INPP4B: variants seen among roughly 807,000 people sequenced by gnomAD.
INPP4B encodes inositol polyphosphate 4-phosphatase type II.
In INPP4B, 55 loss-of-function variants were observed where a neutral mutation model predicts 122.5. That is an observed-to-expected ratio of 0.45 (90% confidence interval 0.36 to 0.56). The LOEUF (loss-of-function observed/expected upper bound fraction) is 0.56. Among genes scored for constraint, INPP4B ranks in the 20% least tolerant of loss-of-function variants. The pLI, the probability that INPP4B is intolerant of heterozygous loss-of-function variation, is 0.00. For synonymous variants in INPP4B, 403 were observed against 388.7 expected (o/e 1.04, Z -0.43); for missense variants, 1,000 against 1,097.7 (o/e 0.91, Z 1.26).
At chr4:142,170,413 C>T (rs892138194) in intron 16 of INPP4B, among the ~76,000 whole-genome samples, 1 of 151,762 alleles carries the variant, frequency 6.6e-6, no homozygotes, top group African/African-American at 2.4e-5. Context: ...CCTGCCCCCA[C>T]ATTTGTTTCC....
At chr4:142,443,852 G>A (rs1461244813) in intron 3 of INPP4B, among the ~76,000 whole-genome samples, 1 of 152,026 alleles carries the variant, frequency 6.6e-6, no homozygotes, top group African/African-American at 2.4e-5. Context: ...AAAGGAGAGG[G>A]AGAAAGAAGA....
intron 18 of INPP4B, among the ~76,000 whole-genome samples, chr4:142,140,003 A>C (rs1806907927): frequency 6.6e-6 from 1 of 152,228 alleles, no homozygotes; most frequent in Non-Finnish European, 1.5e-5. Flanking sequence ...CTGAAGGCAG[A>C]CAGAGATAAA....
chr4:142,476,542 G>C (rs565191482), intron 2 of INPP4B, among the ~76,000 whole-genome samples: 4 of 152,286 alleles, frequency 2.6e-5, no homozygotes, highest in African/African-American at 9.6e-5. Flanking sequence ...ACAGAAACAA[G>C]ACCCAACTGT....
intron 7 of INPP4B, among the ~76,000 whole-genome samples, chr4:142,316,711 A>G (rs921095828): frequency 2.0e-5 from 3 of 152,194 alleles, no homozygotes; most frequent in African/African-American, 7.2e-5. Flanking sequence ...AGTTGTATAA[A>G]GTATTTGATT....
chr4:142,445,366 C>CA (rs143032079), intron 3 of INPP4B, among the ~76,000 whole-genome samples: 5,258 of 151,934 alleles, frequency 0.035, 199 homozygotes, highest in African/African-American at 0.073. Flanking sequence ...ACTGAATTTG[C>CA]AAAAATACTG....
intron 2 of INPP4B, among the ~76,000 whole-genome samples, chr4:142,696,664 C>T (rs949891731): frequency 1.3e-5 from 2 of 152,152 alleles, no homozygotes; most frequent in African/African-American, 4.8e-5. Flanking sequence ...TCAGCTACTA[C>T]TTATGTTGTT....
At chr4:142,820,368 T>A (rs928864790) in intron 1 of INPP4B, among the ~76,000 whole-genome samples, 1 of 152,062 alleles carries the variant, frequency 6.6e-6, no homozygotes, top group Non-Finnish European at 1.5e-5. Context: ...CTCCTTTCCC[T>A]TGCTTTCTCT....
intron 11 of INPP4B, among the ~76,000 whole-genome samples, chr4:142,254,412 CGGGAG>C (rs1734472538): frequency 6.9e-6 from 1 of 144,116 alleles, no homozygotes; most frequent in African/African-American, 2.5e-5. Context: ...CTCCGAGCTA[CGGGAG>C]GACATTCAAA....
intron 16 of INPP4B, among the ~76,000 whole-genome samples, chr4:142,172,343 G>A (rs531055714): frequency 9.0e-4 from 137 of 151,946 alleles, no homozygotes; most frequent in African/African-American, 3.2e-3. Flanking sequence ...GCCTTTTTCT[G>A]TGTGAAATGA....
chr4:142,459,590 T>C (rs1007214771), intron 3 of INPP4B, among the ~76,000 whole-genome samples: 20 of 152,184 alleles, frequency 1.3e-4, no homozygotes, highest in African/African-American at 4.3e-4. Flanking sequence ...TAGCAGTGCA[T>C]GCAGAAGCAG....
chr4:142,489,609 G>T (rs956236760), intron 2 of INPP4B, among the ~76,000 whole-genome samples: 2 of 152,118 alleles, frequency 1.3e-5, no homozygotes, highest in African/African-American at 4.8e-5. Context: ...GGCCAGGCTG[G>T]TCTCAAACTC....
At chr4:142,089,446 C>CACAG (rs1778397017) in intron 23 of INPP4B, among the ~76,000 whole-genome samples, 1 of 77,476 alleles carries the variant, frequency 1.3e-5, no homozygotes, top group Non-Finnish European at 2.6e-5. Context: ...ACCACACACA[C>CACAG]ACACACACAC....
chr4:142,593,104 TAAAAAA>T lies in INPP4B; in HGVS notation c.-190-130384_-190-130379del, dbSNP rs70949176. Reference sequence around the variant, plus strand: ...GGGTGATACAGTGAGATCCTGTTTTTAAAAAAAAAAAAAAATGGTAGTGTAAATTAA... The same window carrying T: ...GGGTGATACAGTGAGATCCTGTTTTTAAAAAAAAATGGTAGTGTAAATTAA... On this transcript the variant is annotated intron_variant, in intron 2 of 25. Transcript: ENST00000262992. Among the ~76,000 whole-genome samples the T allele has an allele frequency of 3.8e-3, 546 of 143,206 alleles. 8 individuals are homozygous for T. The highest frequency in any genetic ancestry group is 0.018 in the East Asian group (91 of 5,040). 93.9% of individuals were successfully genotyped at this position (143,206 alleles called of 152,430 possible). A position where few individuals can be genotyped will look rare whatever the true frequency, so the allele number is the denominator to read the frequency against.
intron 5 of INPP4B, among the ~76,000 whole-genome samples, 197 bp downstream of exon 5, chr4:142,428,976 C>T (rs191442923): frequency 6.6e-6 from 1 of 152,030 alleles, no homozygotes; most frequent in Non-Finnish European, 1.5e-5. Context: ...CATCACTGAA[C>T]CCTGTATCCT....
chr4:142,832,414 T>C (rs1782260757), intron 1 of INPP4B, among the ~76,000 whole-genome samples: 1 of 152,192 alleles, frequency 6.6e-6, no homozygotes, highest in Non-Finnish European at 1.5e-5. Context: ...ATATGTTCAA[T>C]AGATTGATCC....
rs542904883 is a variant in INPP4B, at chr4:142,134,300, G to A, written c.1721-9540C>T. On this transcript the variant is annotated intron_variant, in intron 18 of 25. Coordinates refer to ENST00000262992, the MANE Select transcript of INPP4B (RefSeq NM_001101669.3). The stretch of plus-strand genomic sequence containing the variant: ...AGAGAATGTAAATGGCTTGACAAAG[G>A]CCATGAAGCCAAATAAGTACCAAAC... 1.6e-4 allele frequency among the ~76,000 whole-genome samples: 24 copies of A among 152,204 alleles called. No homozygotes were observed. In the East Asian group the frequency reaches 4.3e-3, roughly 27 times the overall value.
chr4:142,043,008 A>G (rs1749108873), intron 25 of INPP4B, among the ~76,000 whole-genome samples: 1 of 152,296 alleles, frequency 6.6e-6, no homozygotes, highest in Admixed American at 6.5e-5. Context: ...ATTCTCAAAT[A>G]CTAACCTCTA....
intron 7 of INPP4B, among the ~76,000 whole-genome samples, chr4:142,399,055 G>A (rs1306368512): frequency 6.6e-6 from 1 of 152,106 alleles, no homozygotes; most frequent in East Asian, 1.9e-4. Flanking sequence ...TTGCAGATTT[G>A]ATGGCTGTCC....
At chr4:142,302,815 G>A (rs1761972403) in intron 9 of INPP4B, among the ~76,000 whole-genome samples, 1 of 151,988 alleles carries the variant, frequency 6.6e-6, no homozygotes, top group Non-Finnish European at 1.5e-5. Flanking sequence ...AGAAGTAAGG[G>A]GAGACAGGAA....
Sources: gnomAD v4.1 joint callset for allele counts (sites outside exome capture counted in the v4.1 genomes callset) on GRCh38, gnomAD v4.1.1 for gene constraint, MANE v1.5 for transcripts, NCBI Gene and HGNC (gene_info 2026-07-23, HGNC 2026-07-21) for gene names.